ANKS3: variants seen among roughly 807,000 people sequenced by gnomAD.
The protein encoded by ANKS3 is ankyrin repeat and sterile alpha motif domain containing 3.
ANKS3 carries 62 observed loss-of-function variants against 80.7 expected under a neutral mutation model. The ratio of observed to expected loss-of-function variants is 0.77; its 90% CI spans 0.63 to 0.95. The LOEUF is 0.95. ANKS3 is among the 40% of genes least tolerant of loss of function. ANKS3 has a pLI of 0.00. For synonymous variants in ANKS3, 489 were observed against 355.3 expected, an observed-to-expected ratio of 1.38 and a Z score of -4.23; for missense variants, 1,150 against 883.6, an observed-to-expected ratio of 1.30 and a Z score of -3.82.
At chr16:4,722,575 CAA>C (rs1228159968) in intron 6 of ANKS3, among the ~76,000 whole-genome samples, 12 of 51,388 alleles carry the variant, frequency 2.3e-4, no homozygotes, top group Admixed American at 8.4e-4. Context: ...GACTCAGTCT[CAA>C]AAAAAAAAAA....
intron 6 of ANKS3, among the ~76,000 whole-genome samples, chr16:4,723,098 A>C (rs2081184779): frequency 6.6e-6 from 1 of 152,168 alleles, no homozygotes. Flanking sequence ...ACAACAGACA[A>C]CCTTGGTAGT....
chr16:4,733,907 CG>C, intron 1 of ANKS3, 30 bp downstream of exon 1: 2 of 985,372 alleles, frequency 2.0e-6, no homozygotes, highest in Non-Finnish European at 2.4e-6. Context: ...GGCCCCGGGG[CG>C]GGTCCCTGGC....
Position 4,697,334 on chromosome 16 carries a change from C to T in ANKS3, c.1893G>A (p.Met631Ile), listed in dbSNP as rs1458337998. Residue 631 changes from methionine to isoleucine, a missense_variant and splice_region_variant, in exon 16 of 18, where the codon ATG (methionine) becomes ATA (isoleucine). By Grantham distance (10) the Met-to-Ile change is conservative (BLOSUM62 1). Transcript: ENST00000304283. ...GTCGTCTGGTCCCCGGAGACTCACC[C>T]ATCTCACGGACACGGTCCTCCAGGG... ...SGALEDRVREMGQALCLVTQS... is the reference protein window; with the variant it reads ...SGALEDRVREIGQALCLVTQS... 1 of 1,602,554 alleles carries T rather than the reference C, an allele frequency of 6.2e-7. No individual in the cohort carries two copies. The highest frequency in any genetic ancestry group is 8.5e-7 in the Non-Finnish European group (1 of 1,173,414).
chr16:4,721,169 G>A (rs1158444736), intron 6 of ANKS3, among the ~76,000 whole-genome samples: 1 of 150,896 alleles, frequency 6.6e-6, no homozygotes, highest in African/African-American at 2.4e-5. Context: ...GCTGGGCATG[G>A]TGGCGGGCGC....
chr16:4,703,785 C>G (rs189621712), intron 8 of ANKS3, among the ~76,000 whole-genome samples: 1 of 152,252 alleles, frequency 6.6e-6, no homozygotes, highest in African/African-American at 2.4e-5. Context: ...TATGAGAAAA[C>G]AAAAATCCCC....
In ANKS3 at chr16:4,713,256, G is replaced by A. The variant is rs888024097; in HGVS notation, c.709+795C>T. Among the ~76,000 whole-genome samples the A allele has an allele frequency of 2.1e-4, 32 of 151,644 alleles. 1 individual carries two copies. Among genetic ancestry groups the A allele is most frequent in the Admixed American group, 2.0e-3 (30 of 15,194 alleles). ...GCACTCCAGCCTGAGCAACAAGAGCGAAACTCCCGTATCAAAAAAAAAACA... is the reference window on the plus strand; with the variant it reads ...GCACTCCAGCCTGAGCAACAAGAGCAAAACTCCCGTATCAAAAAAAAAACA... On this transcript the variant is annotated intron_variant, in intron 7 of 17. Transcript: ENST00000304283.
intron 6 of ANKS3, among the ~76,000 whole-genome samples, chr16:4,723,672 C>T (rs992489137): frequency 6.6e-6 from 1 of 152,226 alleles, no homozygotes; most frequent in Non-Finnish European, 1.5e-5. Flanking sequence ...TCCTGCTATA[C>T]AGATATATAT....
chr16:4,733,051 A>AG (rs2142184596), intron 1 of ANKS3, among the ~76,000 whole-genome samples: 1 of 152,182 alleles, frequency 6.6e-6, no homozygotes, highest in Non-Finnish European at 1.5e-5. Context: ...CATAGAAAGT[A>AG]GAAGGATGGT....
Position 4,733,989 on chromosome 16 carries a change from G to A in ANKS3, c.-122C>T. On this transcript the variant is annotated 5_prime_UTR_variant, in exon 1 of 18. Transcript: ENST00000304283. ...GGCCACATCCCCACAGGAACGCTAC[G>A]GCGCACAGGGCATTACTGTGCCCCC... is the stretch of plus-strand genomic sequence containing the variant. 3.0e-6 allele frequency: 3 copies of A among 985,498 alleles called. No individual in the cohort carries two copies. Among genetic ancestry groups the A allele is most frequent in the Non-Finnish European group, 3.6e-6 (3 of 829,956 alleles). The allele number at this position is 985,498 out of a possible 1,614,324, so 61.0% of individuals were successfully genotyped here. A position where few individuals can be genotyped will look rare whatever the true frequency, so the allele number is the denominator to read the frequency against.
intron 7 of ANKS3, among the ~76,000 whole-genome samples, chr16:4,707,359 G>T (rs1320454829): frequency 6.9e-6 from 1 of 144,844 alleles, no homozygotes; most frequent in Non-Finnish European, 1.5e-5. Context: ...TCGGCTCATT[G>T]TAACCTCCGC....
intron 5 of ANKS3, among the ~76,000 whole-genome samples, chr16:4,725,546 G>T (rs1219326924): frequency 6.6e-6 from 1 of 152,190 alleles, no homozygotes; most frequent in Non-Finnish European, 1.5e-5. Context: ...TAGAATGAAT[G>T]ACAGCCAGGG....
intron 7 of ANKS3, among the ~76,000 whole-genome samples, chr16:4,709,633 A>G: frequency 6.6e-6 from 1 of 152,346 alleles, no homozygotes; most frequent in South Asian, 2.1e-4. Flanking sequence ...ATTCAGACAT[A>G]AAGAATGAAA....
chr16:4,723,050 G>A (rs1003293947), intron 6 of ANKS3, among the ~76,000 whole-genome samples: 1 of 152,176 alleles, frequency 6.6e-6, no homozygotes, highest in South Asian at 2.1e-4. Context: ...GTGAGGACAA[G>A]AGAAAATGGA....
Position 4,697,893 on chromosome 16 carries a change from G to A in ANKS3, c.1810+84C>T, listed in dbSNP as rs918234262. 3.9e-6 allele frequency: 5 copies of A among 1,281,794 alleles called. No individual in the cohort carries two copies. The African/African-American group carries it at 7.7e-5, about 20-fold the overall frequency. 79.4% of individuals were successfully genotyped at this position (1,281,794 alleles called of 1,614,324 possible). ...AGAGTGGCTGCCGGCCGGAGAACCA[G>A]GCCAAGCCCACTGGGTCAAACCTGG... On this transcript the variant is annotated intron_variant, in intron 15 of 17. Transcript: ENST00000304283.
chr16:4,718,112 G>C (rs1342382749), intron 6 of ANKS3, among the ~76,000 whole-genome samples: 2 of 148,276 alleles, frequency 1.3e-5, no homozygotes, highest in Non-Finnish European at 3.0e-5. Context: ...TTAGAGACAA[G>C]GTCTCACTGT....
intron 10 of ANKS3, 49 bp downstream of exon 10, chr16:4,701,385 T>A (rs781183170): frequency 9.3e-6 from 14 of 1,510,276 alleles, no homozygotes; most frequent in African/African-American, 1.4e-5. Flanking sequence ...ATGTCAGGCA[T>A]CCCAGCCAGG....
chr16:4,713,209 G>A (rs564739332), intron 7 of ANKS3, among the ~76,000 whole-genome samples: 10 of 152,162 alleles, frequency 6.6e-5, no homozygotes, highest in East Asian at 5.8e-4. Flanking sequence ...AAGAGGTTGC[G>A]GTGAGGCAAG....
chr16:4,708,441 T>C (rs879440835), intron 7 of ANKS3, among the ~76,000 whole-genome samples: 3 of 152,014 alleles, frequency 2.0e-5, no homozygotes, highest in African/African-American at 7.3e-5. Context: ...ATTCACAGCC[T>C]CTAACATTTA....
chr16:4,723,578 G>A (rs1384772234), intron 6 of ANKS3, among the ~76,000 whole-genome samples: 2 of 152,168 alleles, frequency 1.3e-5, no homozygotes, highest in South Asian at 2.1e-4. Flanking sequence ...GTGCGCCACC[G>A]CACCCAGCCC....
Sources: gnomAD v4.1 joint callset for allele counts (sites outside exome capture counted in the v4.1 genomes callset) on GRCh38, gnomAD v4.1.1 for gene constraint, MANE v1.5 for transcripts, NCBI Gene and HGNC (gene_info 2026-07-23, HGNC 2026-07-21) for gene names.